Variants in PTP4A3 observed in about 807,000 individuals in gnomAD.
PTP4A3 encodes protein tyrosine phosphatase 4A3.
Under a neutral mutation model 15.2 loss-of-function variants are expected in PTP4A3, and 9 were observed. The observed-to-expected ratio is 0.59, with a 90% CI of 0.36 to 1.03. The LOEUF is 1.03. PTP4A3 is among the 50% of genes least tolerant of loss of function. The probability of loss-of-function intolerance (pLI) is 0.02; values close to 1 mark genes in which losing one functional copy is unlikely to be tolerated. For missense variants in PTP4A3, 234 were observed against 252.1 expected, an observed-to-expected ratio of 0.93 and a Z score of 0.49; for synonymous variants, 95 against 102.0, an observed-to-expected ratio of 0.93 and a Z score of 0.41.
At chr8:141,407,957 G>A (rs1304252366) in intron 1 of PTP4A3, among the ~76,000 whole-genome samples, 2 of 150,796 alleles carry the variant, frequency 1.3e-5, no homozygotes, top group Admixed American at 1.3e-4. Flanking sequence ...TTTATGTGTG[G>A]TCCTAAACAA....
intron 1 of PTP4A3, among the ~76,000 whole-genome samples, chr8:141,418,102 G>A (rs768630274): frequency 1.3e-5 from 2 of 152,008 alleles, no homozygotes; most frequent in Admixed American, 6.5e-5. Context: ...CCCTCCGGAG[G>A]GCTGGGCGGG....
At chr8:141,420,021 C>T (rs1026006292) in intron 1 of PTP4A3, among the ~76,000 whole-genome samples, 2 of 152,216 alleles carry the variant, frequency 1.3e-5, no homozygotes, top group African/African-American at 4.8e-5. Flanking sequence ...GGTAGCCACC[C>T]TCTGAGTCCA....
chr8:141,430,850 A>C (rs2130394853), intron 5 of PTP4A3, 77 bp from the exon 6 acceptor site: 1 of 1,439,896 alleles, frequency 6.9e-7, no homozygotes, highest in Non-Finnish European at 9.7e-7. Context: ...GCACTCTCAG[A>C]TTCCAGCTCC....
intron 2 of PTP4A3, among the ~76,000 whole-genome samples, chr8:141,424,375 T>G (rs1355104622): frequency 6.6e-6 from 1 of 152,146 alleles, no homozygotes; most frequent in Non-Finnish European, 1.5e-5. Flanking sequence ...GGGGCTTCCC[T>G]GCTGGCGTAC....
Position 141,425,138 on chromosome 8 carries a change from G to T in PTP4A3, c.196G>T (p.Val66Leu), listed in dbSNP as rs1833507652. Residue 66 changes from valine (V) to leucine (L), a missense_variant and splice_region_variant, in exon 3 of 6, where the codon GTG becomes TTG. Transcript: ENST00000521578. The surrounding 1 kb of genome is among the most constrained non-coding windows in gnomAD (Gnocchi z 4.2). Reference sequence around the variant, plus strand: ...GCTGGAGAAGGATGGCATCACCGTTGTGGTGAGGCGCGCGCCACGGGGACC... The same window carrying T: ...GCTGGAGAAGGATGGCATCACCGTTTTGGTGAGGCGCGCGCCACGGGGACC... ...TPLEKDGITVVDWPFDDGAPP... is the reference protein window; with the variant it reads ...TPLEKDGITVLDWPFDDGAPP... 1 of 1,611,210 alleles carries T rather than the reference G, an allele frequency of 6.2e-7. No individual in the cohort carries two copies.
chr8:141,417,532 CA>C (rs1833104464), intron 1 of PTP4A3, among the ~76,000 whole-genome samples: 2 of 152,096 alleles, frequency 1.3e-5, no homozygotes, highest in African/African-American at 4.8e-5. Flanking sequence ...CAGGCCTCCC[CA>C]CCAGGAGCGC....
rs921190417 is a variant in PTP4A3 at position 141,425,665 on chromosome 8, C to G, written c.198+525C>G. On this transcript the variant is annotated intron_variant, in intron 3 of 5. Coordinates refer to ENST00000521578, the MANE Select transcript of PTP4A3 (RefSeq NM_032611.3). The surrounding 1 kb of genome is among the most constrained non-coding windows in gnomAD (Gnocchi z 4.2). ...GCAGCTGCAGGCCCAGAGCCAGCCC[C>G]AGGGGGGTCCACCCCCGGCCCGGTG... 6.6e-6 allele frequency among the ~76,000 whole-genome samples: 1 copy of G among 152,106 alleles called. No homozygotes were observed. The highest frequency in any genetic ancestry group is 1.5e-5 in the Non-Finnish European group (1 of 67,972).
At chr8:141,405,376 C>A (rs1406382663) in intron 1 of PTP4A3, among the ~76,000 whole-genome samples, 1 of 152,238 alleles carries the variant, frequency 6.6e-6, no homozygotes, top group Non-Finnish European at 1.5e-5. Context: ...TCCAGGCCCC[C>A]CAACCTCCGG....
Position 141,406,190 on chromosome 8 carries a change from C to T in PTP4A3, c.-854+14106C>T, listed in dbSNP as rs1363513392. ...GGTGACCCTCGGTAGCCCCTCTGGG[C>T]GGTGGCTTTAGGCATCTGGGCTCAG... On this transcript the variant is annotated intron_variant, in intron 1 of 5. Transcript: ENST00000521578. The surrounding 1 kb of genome is among the most constrained non-coding windows in gnomAD (Gnocchi z 4.5). Among the ~76,000 whole-genome samples the T allele has an allele frequency of 1.3e-5, 2 of 152,070 alleles. No homozygotes were observed. Among genetic ancestry groups the T allele is most frequent in the East Asian group, 1.9e-4 (1 of 5,170 alleles).
intron 1 of PTP4A3, among the ~76,000 whole-genome samples, chr8:141,394,045 G>A (rs190761256): frequency 2.0e-3 from 310 of 152,314 alleles, no homozygotes; most frequent in African/African-American, 7.1e-3. Context: ...ACTGAGAGGG[G>A]GGCATAAGCT....
intron 1 of PTP4A3, among the ~76,000 whole-genome samples, chr8:141,395,882 T>A (rs1731607256): frequency 6.6e-6 from 1 of 152,212 alleles, no homozygotes; most frequent in African/African-American, 2.4e-5. Flanking sequence ...GGTGCCCTCA[T>A]GTCAGGGCTT....
At chr8:141,424,180 TC>T (rs1833459287) in intron 2 of PTP4A3, among the ~76,000 whole-genome samples, 1 of 152,130 alleles carries the variant, frequency 6.6e-6, no homozygotes, top group Non-Finnish European at 1.5e-5. Flanking sequence ...CTCTCTGTGT[TC>T]CAGGTCCCTG....
chr8:141,417,790 C>T (rs577558395), intron 1 of PTP4A3, among the ~76,000 whole-genome samples: 80 of 152,132 alleles, frequency 5.3e-4, no homozygotes, highest in African/African-American at 1.9e-3. Context: ...GTTTCCCGGG[C>T]AGGGCGCGGC....
At chr8:141,419,632 A>G (rs1461085081) in intron 1 of PTP4A3, among the ~76,000 whole-genome samples, 1 of 143,908 alleles carries the variant, frequency 6.9e-6, no homozygotes, top group African/African-American at 2.6e-5. Flanking sequence ...AGGGCAATGG[A>G]GCGATCTCGG....
intron 1 of PTP4A3, among the ~76,000 whole-genome samples, chr8:141,416,741 T>G (rs1833068415): frequency 6.6e-6 from 1 of 152,026 alleles, no homozygotes; most frequent in African/African-American, 2.4e-5. Context: ...TCCTGTCCTC[T>G]GCTCCCCAGC....
chr8:141,430,307 G>A (rs533683210), intron 5 of PTP4A3, among the ~76,000 whole-genome samples: 38 of 146,678 alleles, frequency 2.6e-4, no homozygotes, highest in Non-Finnish European at 4.9e-4. Flanking sequence ...GTAAGGACCC[G>A]GTGGCGGGGA....
intron 1 of PTP4A3, among the ~76,000 whole-genome samples, chr8:141,420,201 C>T (rs2130117025): frequency 6.6e-6 from 1 of 152,242 alleles, no homozygotes. Context: ...AAGTGCCTTT[C>T]CTTGGGTAGC....
At chr8:141,423,726 C>T (rs1833438320) in intron 2 of PTP4A3, among the ~76,000 whole-genome samples, 2 of 150,816 alleles carry the variant, frequency 1.3e-5, no homozygotes, top group South Asian at 4.2e-4. Context: ...AGGGTCGAAG[C>T]TCAGTGTGTG....
intron 1 of PTP4A3, among the ~76,000 whole-genome samples, chr8:141,399,133 A>C: frequency 6.7e-6 from 1 of 149,810 alleles, no homozygotes; most frequent in African/African-American, 2.5e-5. Context: ...CCCTGTCACC[A>C]CCCCTCCTGT....
Sources: gnomAD v4.1 joint callset for allele counts (sites outside exome capture counted in the v4.1 genomes callset) on GRCh38, gnomAD v4.1.1 for gene constraint, Gnocchi (gnomAD v3.1) non-coding constraint, MANE v1.5 for transcripts, NCBI Gene and HGNC (gene_info 2026-07-23, HGNC 2026-07-21) for gene names.